Variants in NFIC observed in about 807,000 individuals in gnomAD.
NFIC encodes the protein nuclear factor 1 C-type.
NFIC carries 12 observed loss-of-function variants against 54.4 expected under a neutral mutation model. The ratio of observed to expected loss-of-function variants is 0.22; its 90% confidence interval spans 0.14 to 0.36. The LOEUF (loss-of-function observed/expected upper bound fraction) is 0.36, where lower values mean the gene tolerates loss of function less well. Ranked by LOEUF, NFIC falls within the 10% of genes least tolerant of loss-of-function variation. The pLI, the probability that NFIC is intolerant of heterozygous loss-of-function variation, is 1.00. For synonymous variants in NFIC, 322 were observed against 319.2 expected (o/e 1.01, Z -0.09); for missense variants, 575 against 718.2 (o/e 0.80, Z 2.28).
intron 2 of NFIC, among the ~76,000 whole-genome samples, chr19:3,400,120 C>T (rs1033673892): frequency 6.6e-6 from 1 of 152,166 alleles, no homozygotes; most frequent in South Asian, 2.1e-4. Flanking sequence ...ATTTAGTAAG[C>T]TCCTACTGTA....
chr19:3,424,031 A>C (rs141400839), intron 2 of NFIC, among the ~76,000 whole-genome samples: 1 of 151,890 alleles, frequency 6.6e-6, no homozygotes, highest in African/African-American at 2.4e-5. Flanking sequence ...TATTTATTTT[A>C]TTTTATTTAT....
chr19:3,441,197 G>C (rs1354027368), intron 6 of NFIC, among the ~76,000 whole-genome samples: 1 of 152,196 alleles, frequency 6.6e-6, no homozygotes, highest in Non-Finnish European at 1.5e-5. Flanking sequence ...TTTGCAGAGG[G>C]AAACCCTGAG....
intron 2 of NFIC, among the ~76,000 whole-genome samples, chr19:3,417,041 G>A (rs1292303760): frequency 7.7e-6 from 1 of 130,306 alleles, no homozygotes; most frequent in African/African-American, 2.5e-5. Context: ...CCGCCACCAG[G>A]CCCAGCTAAT....
Position 3,462,839 on chromosome 19 carries a change from G to C in NFIC, c.*70G>C. On this transcript the variant is annotated 3_prime_UTR_variant, in exon 11 of 11. Transcript: ENST00000443272. ...CCAGGGGGCAGCACAGCCGGCCCCC[G>C]GCCCACGTTTTCGGTGGAAAATTAG... 1 of 1,609,946 alleles carries C rather than the reference G, an allele frequency of 6.2e-7. No individual in the cohort carries two copies. The highest frequency in any genetic ancestry group is 2.2e-5 in the East Asian group (1 of 44,748).
intron 1 of NFIC, among the ~76,000 whole-genome samples, chr19:3,360,801 C>A (rs1232769774): frequency 1.3e-5 from 2 of 152,210 alleles, no homozygotes; most frequent in Admixed American, 6.5e-5. Flanking sequence ...CCGCGTGTCC[C>A]TGGGTGACCG....
chr19:3,462,434 CT>C (rs1237622739), intron 10 of NFIC, among the ~76,000 whole-genome samples: 1 of 152,146 alleles, frequency 6.6e-6, no homozygotes, highest in Non-Finnish European at 1.5e-5. Context: ...ATAAATGGAT[CT>C]TTTGTGTGTG....
intron 6 of NFIC, among the ~76,000 whole-genome samples, chr19:3,444,237 C>A (rs1012262122): frequency 5.3e-5 from 8 of 151,680 alleles, no homozygotes; most frequent in African/African-American, 1.9e-4. Flanking sequence ...TGATGAGGGC[C>A]TTTTGTCAAA....
At chr19:3,460,803 C>G (rs1003122753) in intron 10 of NFIC, among the ~76,000 whole-genome samples, 7 of 152,028 alleles carry the variant, frequency 4.6e-5, no homozygotes, top group Non-Finnish European at 8.8e-5. Context: ...CATGAGCCAC[C>G]GAGCCCAGCC....
intron 2 of NFIC, among the ~76,000 whole-genome samples, chr19:3,390,387 G>T (rs1375198944): frequency 3.3e-5 from 5 of 152,180 alleles, no homozygotes; most frequent in Admixed American, 3.3e-4. Context: ...GCAGGTGGGG[G>T]TCCAGCTCCC....
chr19:3,442,503 C>G (rs1026162902), intron 6 of NFIC, among the ~76,000 whole-genome samples: 2 of 151,974 alleles, frequency 1.3e-5, no homozygotes, highest in Non-Finnish European at 2.9e-5. Context: ...GCTTCAGCCT[C>G]GCAAATAGCT....
At chr19:3,367,260 C>G (rs908008417) in intron 1 of NFIC, among the ~76,000 whole-genome samples, 5 of 152,210 alleles carry the variant, frequency 3.3e-5, no homozygotes, top group Non-Finnish European at 7.4e-5. Context: ...GTTGGAGGCC[C>G]AGGAGGGGGA....
chr19:3,359,760 C>A, intron 1 of NFIC: 1 of 1,349,360 alleles, frequency 7.4e-7, no homozygotes, highest in Non-Finnish European at 9.7e-7. Context: ...GCGAAAGTTG[C>A]AAGATCTGGG....
intron 2 of NFIC, chr19:3,411,068 G>A (rs2081750163): frequency 6.6e-6 from 1 of 152,180 alleles, no homozygotes; most frequent in Non-Finnish European, 1.5e-5. Flanking sequence ...CTGGAGTGCA[G>A]TGGCTCAATC....
At chr19:3,385,294 C>G (rs532323839) in intron 2 of NFIC, among the ~76,000 whole-genome samples, 75 of 151,324 alleles carry the variant, frequency 5.0e-4, no homozygotes, top group Non-Finnish European at 1.0e-3. Context: ...AGCTCAGCTG[C>G]CCACTGGCTG....
chr19:3,399,989 A>G (rs1369128311), intron 2 of NFIC, among the ~76,000 whole-genome samples: 3 of 151,838 alleles, frequency 2.0e-5, no homozygotes, highest in Non-Finnish European at 4.4e-5. Context: ...GTTTGAGACC[A>G]GCCTGGGCAA....
Position 3,369,146 on chromosome 19 carries a change from G to C in NFIC, c.30+2480G>C, listed in dbSNP as rs1568397227. Among the ~76,000 whole-genome samples, 1 of 151,484 alleles carries C rather than the reference G, an allele frequency of 6.6e-6. No individual in the cohort carries two copies. Among genetic ancestry groups the C allele is most frequent in the African/African-American group, 2.4e-5 (1 of 41,160 alleles). ...CTGCATGTCTCTTTGATGTGTCTCT[G>C]TCTCTCTGTCTCTCCCTCCCTTTGC... On this transcript the variant is annotated intron_variant, in intron 1 of 10. Transcript: ENST00000443272. The surrounding 1 kb of genome is among the most constrained non-coding windows in gnomAD (Gnocchi z 4.3).
At chr19:3,402,643 A>G (rs2081576316) in intron 2 of NFIC, among the ~76,000 whole-genome samples, 1 of 152,226 alleles carries the variant, frequency 6.6e-6, no homozygotes, top group Non-Finnish European at 1.5e-5. Flanking sequence ...TGAAGGAAAG[A>G]AAACAGAAGG....
chr19:3,430,261 C>T (rs1260409257), intron 3 of NFIC, among the ~76,000 whole-genome samples: 5 of 147,510 alleles, frequency 3.4e-5, no homozygotes, highest in Non-Finnish European at 5.9e-5. Flanking sequence ...TTTTTTTTTA[C>T]CCCCAGGCTG....
chr19:3,413,834 G>A (rs768040840), intron 2 of NFIC, among the ~76,000 whole-genome samples: 64 of 151,770 alleles, frequency 4.2e-4, no homozygotes, highest in Middle Eastern at 3.4e-3. Context: ...ACAGGGTTTC[G>A]CTATGTTGGC....
Sources: allele counts gnomAD v4.1 joint callset (sites outside exome capture counted in the v4.1 genomes callset), GRCh38; gene constraint gnomAD v4.1.1; non-coding constraint Gnocchi (gnomAD v3.1); transcripts MANE v1.5; gene names NCBI Gene and HGNC (gene_info 2026-07-23, HGNC 2026-07-21).